SPON1: variants seen among roughly 807,000 people sequenced by gnomAD.
SPON1 encodes spondin 1, also known as spondin-1.
Under a neutral mutation model 111.7 loss-of-function variants are expected in SPON1, and 52 were observed. The ratio of observed to expected loss-of-function variants is 0.47; its 90% CI spans 0.37 to 0.59. SPON1 has a LOEUF of 0.59. Ranked by LOEUF, SPON1 falls within the 20% of genes least tolerant of loss-of-function variation. The pLI is 0.00. For synonymous variants in SPON1, 410 were observed against 395.8 expected, an observed-to-expected ratio of 1.04 and a Z score of -0.43; for missense variants, 957 against 1,068.5, an observed-to-expected ratio of 0.90 and a Z score of 1.46.
At chr11:14,210,310 G>C (rs576824836) in intron 6 of SPON1, among the ~76,000 whole-genome samples, 1 of 149,776 alleles carries the variant, frequency 6.7e-6, no homozygotes, top group Non-Finnish European at 1.5e-5. Context: ...CATTGCTTTT[G>C]GTGTTTTTCT....
intron 6 of SPON1, among the ~76,000 whole-genome samples, chr11:14,203,488 A>G (rs781846446): frequency 6.6e-6 from 1 of 152,230 alleles, no homozygotes; most frequent in Non-Finnish European, 1.5e-5. Context: ...AATGTCCTTA[A>G]GAGACGATTA....
At chr11:14,263,036 TAA>T (rs1849207947) in intron 15 of SPON1, 61 bp downstream of exon 15, 5 of 1,422,344 alleles carry the variant, frequency 3.5e-6, no homozygotes, top group South Asian at 2.4e-5. Flanking sequence ...TGCACTGGGC[TAA>T]GTCTTGGACC....
rs559052061 is a variant in SPON1 at position 14,032,626 on chromosome 11, G to C, written c.346-8895G>C. Among the ~76,000 whole-genome samples, 90 of 152,296 alleles carry C rather than the reference G, an allele frequency of 5.9e-4. 1 individual carries two copies. Among genetic ancestry groups the C allele is most frequent in the African/African-American group, 2.2e-3 (90 of 41,548 alleles). ...TCCTCATTTTGCAGATGAGAAAACA[G>C]ACCCAGAGAGGTCAAGTAGCTTGGT... On this transcript the variant is annotated intron_variant, in intron 2 of 15. Transcript: ENST00000576479.
intron 2 of SPON1, among the ~76,000 whole-genome samples, chr11:14,021,005 G>GTTT (rs1848477477): frequency 6.6e-6 from 1 of 152,168 alleles, no homozygotes; most frequent in Admixed American, 6.5e-5. Flanking sequence ...TTACATGTAT[G>GTTT]TTTAAAAGAT....
At chr11:14,024,823 A>C (rs1350615871) in intron 2 of SPON1, among the ~76,000 whole-genome samples, 1 of 152,194 alleles carries the variant, frequency 6.6e-6, no homozygotes, top group Non-Finnish European at 1.5e-5. Context: ...ATCACTGAGA[A>C]ATGTGAGGAC....
intron 2 of SPON1, among the ~76,000 whole-genome samples, chr11:14,027,987 G>A (rs1423103999): frequency 6.6e-6 from 1 of 152,044 alleles, no homozygotes; most frequent in Non-Finnish European, 1.5e-5. Context: ...TTCTAGTATT[G>A]AGTCAAAACT....
At chr11:13,988,612 C>CCTTGT (rs1230843103) in intron 2 of SPON1, among the ~76,000 whole-genome samples, 117 of 152,194 alleles carry the variant, frequency 7.7e-4, no homozygotes, top group African/African-American at 2.8e-3. Flanking sequence ...GAGAAAGCAT[C>CCTTGT]CTTGTCCTGT....
At chr11:14,129,619 C>T (rs1357848786) in intron 5 of SPON1, among the ~76,000 whole-genome samples, 2 of 152,188 alleles carry the variant, frequency 1.3e-5, no homozygotes, top group Non-Finnish European at 2.9e-5. Context: ...CAAACTGCTC[C>T]AACCTCTGCC....
intron 6 of SPON1, among the ~76,000 whole-genome samples, chr11:14,221,638 A>G (rs1459097826): frequency 2.0e-5 from 3 of 152,200 alleles, no homozygotes; most frequent in Non-Finnish European, 2.9e-5. Context: ...GGTGGCCCTA[A>G]TATGTCCTCC....
chr11:14,209,015 C>T (rs1271415308), intron 6 of SPON1, among the ~76,000 whole-genome samples: 3 of 152,048 alleles, frequency 2.0e-5, no homozygotes, highest in Non-Finnish European at 4.4e-5. Context: ...AAATAAGTGG[C>T]GATTCTGATT....
At chr11:13,964,435 G>A (rs192733141) in intron 1 of SPON1, among the ~76,000 whole-genome samples, 1 of 152,308 alleles carries the variant, frequency 6.6e-6, no homozygotes, top group East Asian at 1.9e-4. Flanking sequence ...CTGGGGCAGC[G>A]TCAGCGGGCG....
intron 6 of SPON1, among the ~76,000 whole-genome samples, chr11:14,150,805 G>T (rs924739809): frequency 6.6e-6 from 1 of 152,164 alleles, no homozygotes; most frequent in South Asian, 2.1e-4. Flanking sequence ...CAGGACACAG[G>T]GAGCACAGTG....
At chr11:14,255,498 G>A in intron 8 of SPON1, 149 bp from the exon 9 acceptor site, 3 of 675,656 alleles carry the variant, frequency 4.4e-6, no homozygotes, top group Non-Finnish European at 2.5e-6. Context: ...AGCACAGTAT[G>A]TGGCATGAAC....
chr11:14,126,147 C>G (rs528715206), intron 5 of SPON1, among the ~76,000 whole-genome samples: 12 of 152,170 alleles, frequency 7.9e-5, no homozygotes, highest in Non-Finnish European at 1.8e-4. Flanking sequence ...GTCTGTTTTA[C>G]TCTACCAATT....
At chr11:14,126,696 T>C (rs78305496) in intron 5 of SPON1, among the ~76,000 whole-genome samples, 3,309 of 152,276 alleles carry the variant, frequency 0.022, 121 homozygotes, top group African/African-American at 0.075. Context: ...AGTCTGCCGC[T>C]TCCCCCTAGG....
chr11:14,095,269 T>C (rs1849089955), intron 5 of SPON1, among the ~76,000 whole-genome samples: 1 of 151,894 alleles, frequency 6.6e-6, no homozygotes, highest in South Asian at 2.1e-4. Flanking sequence ...CTGGGTTTCC[T>C]TAGCACCATG....
intron 10 of SPON1, 36 bp from the exon 11 acceptor site, chr11:14,257,680 G>T: frequency 6.4e-7 from 1 of 1,557,154 alleles, no homozygotes; most frequent in Non-Finnish European, 8.7e-7. Context: ...AGCTCCCATA[G>T]GTTCCCAGGG....
chr11:14,224,904 T>C (rs565187853), intron 6 of SPON1, among the ~76,000 whole-genome samples: 3 of 152,324 alleles, frequency 2.0e-5, no homozygotes, highest in Admixed American at 6.5e-5. Context: ...TTCTGTCTGA[T>C]GGACTGGGTG....
intron 5 of SPON1, among the ~76,000 whole-genome samples, chr11:14,110,061 A>G (rs1252562764): frequency 1.3e-5 from 2 of 152,194 alleles, no homozygotes; most frequent in East Asian, 1.9e-4. Flanking sequence ...AAGACTAACA[A>G]CAAAGCAGAT....
Sources: gnomAD v4.1 joint callset for allele counts (sites outside exome capture counted in the v4.1 genomes callset) on GRCh38, gnomAD v4.1.1 for gene constraint, MANE v1.5 for transcripts, NCBI Gene and HGNC (gene_info 2026-07-23, HGNC 2026-07-21) for gene names.